GATA2: variants seen among roughly 807,000 people sequenced by gnomAD.
The protein encoded by GATA2 is GATA binding protein 2.
Under a neutral mutation model 35.7 loss-of-function variants are expected in GATA2, and 6 were observed. The ratio of observed to expected loss-of-function variants is 0.17; its 90% CI spans 0.09 to 0.33. The LOEUF (loss-of-function observed/expected upper bound fraction) is 0.33. Among genes scored for constraint, GATA2 ranks in the 10% least tolerant of loss-of-function variants. The pLI is 1.00. For synonymous variants in GATA2, 313 were observed against 274.9 expected (o/e 1.14, Z -1.37); for missense variants, 541 against 656.6 (o/e 0.82, Z 1.92).
rs750384699 is a variant in GATA2, at chr3:128,486,142, G to T, written c.456C>A (p.Ser152Arg). The change falls in exon 3 of 6, where the codon AGC (serine) becomes AGA (arginine). Residue 152 changes from serine to arginine, a missense_variant. Ser to Arg is a moderately radical substitution (Grantham distance 110, BLOSUM62 -1). Around this residue, in one of 5 missense-constraint regions of GATA2, gnomAD observed 389 missense variants for 396.9 expected, o/e 0.98. Coordinates refer to ENST00000341105, the MANE Select transcript of GATA2 (RefSeq NM_032638.5). Reference protein sequence around the residue: ...PGAGGGSGGGSGSSVASLTPT... With the variant: ...PGAGGGSGGGRGSSVASLTPT... ...GGGTGAGGGAGGCCACTGAGCTCCC[G>T]CTGCCTCCCCCGCTCCCACCCCCAG... The T allele has an allele frequency of 6.9e-6, 11 of 1,596,448 alleles. No individual in the cohort carries two copies. The highest frequency in any genetic ancestry group is 6.8e-5 in the South Asian group (6 of 88,666).
chr3:128,484,333 G>GGGTA (rs1402603008), intron 3 of GATA2, among the ~76,000 whole-genome samples: 1 of 152,206 alleles, frequency 6.6e-6, no homozygotes. Context: ...ACTTTGCCGA[G>GGGTA]GGTAGGGTGG....
At chr3:128,491,687 T>C (rs1261381443) in intron 1 of GATA2, among the ~76,000 whole-genome samples, 1 of 152,150 alleles carries the variant, frequency 6.6e-6, no homozygotes, top group Non-Finnish European at 1.5e-5. Context: ...CTGTTCTGTG[T>C]CTTTGGGAAT....
chr3:128,481,937 G>C lies in GATA2; in HGVS notation c.1025C>G (p.Ala342Gly). The C allele has an allele frequency of 6.2e-7, 1 of 1,613,452 alleles. No homozygotes were observed. Among genetic ancestry groups the C allele is most frequent in the South Asian group, 1.1e-5 (1 of 91,086 alleles). The change falls in exon 5 of 6, where the codon GCC becomes GGC. Residue 342 changes from alanine to glycine, a missense_variant. Transcript: ENST00000341105. Reference protein sequence around the residue: ...LIKPKRRLSAARRAGTCCANC... With the variant: ...LIKPKRRLSAGRRAGTCCANC... ...TGCACAACAGGTGCCGGCTCTTCTG[G>C]CGGCCGACTGGGAGGGCAAGGCAGC...
At chr3:128,492,526 G>C (rs2068789949) in intron 1 of GATA2, among the ~76,000 whole-genome samples, 1 of 152,306 alleles carries the variant, frequency 6.6e-6, no homozygotes, top group South Asian at 2.1e-4. Flanking sequence ...TGCAGCCGCC[G>C]CTCGGCGGCC....
intron 1 of GATA2, among the ~76,000 whole-genome samples, chr3:128,487,401 G>A (rs999743510): frequency 5.3e-5 from 8 of 151,906 alleles, no homozygotes; most frequent in Admixed American, 4.6e-4. Flanking sequence ...GAGCCCCCCC[G>A]CCCGGTAGAC....
intron 1 of GATA2, among the ~76,000 whole-genome samples, chr3:128,492,405 C>T (rs1000039299): frequency 2.0e-5 from 3 of 152,206 alleles, no homozygotes; most frequent in Admixed American, 2.0e-4. Context: ...CTCCCCCACA[C>T]GCACCCCAGT....
intron 1 of GATA2, chr3:128,489,098 G>C: frequency 6.6e-6 from 1 of 152,230 alleles, no homozygotes; most frequent in East Asian, 1.9e-4. Context: ...GAGTGGGGGA[G>C]GGGCGGCGGG....
Position 128,481,187 on chromosome 3 carries a change from T to G in GATA2, c.1275A>C (p.Ser425=). ...EELSKCMQEK[S]SPFSAAALAG... ...CCAGGGCAGCTGCACTGAAGGGGGA[T>G]GACTTCTCCTGCATGCACTTTGACA... is the stretch of plus-strand genomic sequence containing the variant. The change falls in exon 6 of 6, where the codon TCA becomes TCC. Residue 425 remains serine, a synonymous_variant. Coordinates refer to ENST00000341105, the MANE Select transcript of GATA2 (RefSeq NM_032638.5). 1 of 1,614,188 alleles carries G rather than the reference T, an allele frequency of 6.2e-7. No individual in the cohort carries two copies. Among genetic ancestry groups the G allele is most frequent in the Non-Finnish European group, 8.5e-7 (1 of 1,180,022 alleles).
At chr3:128,482,039 A>C in intron 4 of GATA2, 95 bp from the exon 5 acceptor site, 3 of 1,499,696 alleles carry the variant, frequency 2.0e-6, no homozygotes, top group African/African-American at 1.4e-5. Context: ...CCACCAGCTC[A>C]GTCAAGGAGG....
rs537531160 is a variant in GATA2 at position 128,490,972 on chromosome 3, G to A, written c.-46+1927C>T. Among the ~76,000 whole-genome samples the A allele has an allele frequency of 1.6e-4, 24 of 152,302 alleles. No homozygotes were observed. The East Asian group carries it at 4.1e-3, about 26-fold the overall frequency. On this transcript the variant is annotated intron_variant, in intron 1 of 5. Coordinates refer to ENST00000341105, the MANE Select transcript of GATA2 (RefSeq NM_032638.5). ...TAAGAAGCTGTCACTTTCCTTACTT[G>A]GGAACAAGATTTCTCTGAGGACTGG...
At chr3:128,485,638 A>AG in intron 3 of GATA2, 89 bp downstream of exon 3, 1 of 1,495,048 alleles carries the variant, frequency 6.7e-7, no homozygotes, top group Non-Finnish European at 9.1e-7. Context: ...CTGGGAAACC[A>AG]ACACTGCCAC....
chr3:128,479,694 C>T lies in GATA2; in HGVS notation c.*1325G>A, dbSNP rs1451790577. The T allele has an allele frequency of 4.3e-6, 1 of 233,630 alleles. No individual in the cohort carries two copies. The highest frequency in any genetic ancestry group is 6.0e-5 in the East Asian group (1 of 16,604). 14.5% of individuals were successfully genotyped at this position (233,630 alleles called of 1,614,324 possible). ...CCGCCCATATTGCACTTGGTCACTA[C>T]ATCAGCACAATCCTCCTCCTGGGCC... On this transcript the variant is annotated 3_prime_UTR_variant, in exon 6 of 6. Coordinates refer to ENST00000341105, the MANE Select transcript of GATA2 (RefSeq NM_032638.5).
At chr3:128,491,868 C>T (rs1357690265) in intron 1 of GATA2, 1 of 152,298 alleles carries the variant, frequency 6.6e-6, no homozygotes, top group Admixed American at 6.5e-5. Context: ...CACGAACAGC[C>T]ACGGTTTATT....
rs2107668761 is a variant in GATA2, at chr3:128,481,922, G to A, written c.1040C>T (p.Thr347Ile). The part of the protein sequence containing the change: ...RRLSAARRAG[T>I]CCANCQTTTT... ...TGTCGTCTGACAATTTGCACAACAG[G>A]TGCCGGCTCTTCTGGCGGCCGACTG... The change falls in exon 5 of 6, where the codon ACC (threonine) becomes ATC (isoleucine). Residue 347 changes from threonine (T) to isoleucine (I), a missense_variant. Physicochemically the swap from Thr to Ile is moderately conservative, Grantham distance 89. Transcript: ENST00000341105. 1.9e-6 allele frequency: 3 copies of A among 1,613,902 alleles called. No homozygotes were observed. Among genetic ancestry groups the A allele is most frequent in the Middle Eastern group, 1.7e-4 (1 of 6,060 alleles).
At position 128,481,872 on chromosome 3, in the gene GATA2, C is replaced by G; in HGVS notation, c.1090G>C (p.Ala364Pro). ...TTTTTLWRRNANGDPVCNACG... is the reference protein window; with the variant it reads ...TTTTTLWRRNPNGDPVCNACG... ...GCGTTGCAGACAGGGTCCCCGTTGG[C>G]GTTTCGGCGCCATAAGGTGGTGGTT... The change falls in exon 5 of 6, where the codon GCC becomes CCC. Residue 364 changes from alanine (A) to proline (P), a missense_variant. This residue lies in a region of GATA2 where 23 missense variants were observed against 67.2 expected (regional missense o/e 0.34). Coordinates refer to ENST00000341105, the MANE Select transcript of GATA2 (RefSeq NM_032638.5). 6.2e-7 allele frequency: 1 copy of G among 1,614,074 alleles called. No individual in the cohort carries two copies.
At chr3:128,484,492 G>A (rs2068670087) in intron 3 of GATA2, among the ~76,000 whole-genome samples, 1 of 152,216 alleles carries the variant, frequency 6.6e-6, no homozygotes, top group African/African-American at 2.4e-5. Flanking sequence ...AAGTCCAGAA[G>A]CATTTCCCTC....
At chr3:128,485,612 T>C in intron 3 of GATA2, 115 bp downstream of exon 3, 1 of 1,288,364 alleles carries the variant, frequency 7.8e-7, no homozygotes, top group Non-Finnish European at 1.1e-6. Flanking sequence ...GAGCGAGACA[T>C]CACCCATCCC....
At position 128,485,876 on chromosome 3, in the gene GATA2, G is replaced by A. The variant is rs2068688771; in HGVS notation, c.722C>T (p.Ala241Val). 4 of 1,614,106 alleles carry A rather than the reference G, an allele frequency of 2.5e-6. No homozygotes were observed. The highest frequency in any genetic ancestry group is 3.4e-6 in the Non-Finnish European group (4 of 1,179,966). The change falls in exon 3 of 6, where the codon GCT (alanine) becomes GTT (valine). Residue 241 changes from alanine to valine, a missense_variant. Physicochemically the swap from Ala to Val is moderately conservative, Grantham distance 64. Around this residue, in one of 5 missense-constraint regions of GATA2, gnomAD observed 389 missense variants for 396.9 expected, o/e 0.98. Transcript: ENST00000341105. Reference sequence around the variant, plus strand: ...GTAGGTGGGGATGGGGTGGTGTGTAGCAGGCTGGGTGCCCATAGTAGCTAG... The same window carrying A: ...GTAGGTGGGGATGGGGTGGTGTGTAACAGGCTGGGTGCCCATAGTAGCTAG... ...PGLATMGTQP[A>V]THHPIPTYPS...
At position 128,481,102 on chromosome 3, in the gene GATA2, G is replaced by A. The variant is rs774297463; in HGVS notation, c.1360C>T (p.Pro454Ser). Residue 454 changes from proline (P) to serine (S), a missense_variant, in exon 6 of 6, where the codon CCC becomes TCC. Pro to Ser is a moderately conservative substitution (Grantham distance 74, BLOSUM62 -1). Around this residue, in one of 5 missense-constraint regions of GATA2, gnomAD observed 95 missense variants for 114.0 expected, o/e 0.83. Transcript: ENST00000341105. Reference sequence around the variant, plus strand: ...GAGGGGTGGATGGGCGTCGGAGTGGGCAGGATGTGTCCGGAGTGGCTGAAG... The same window carrying A: ...GAGGGGTGGATGGGCGTCGGAGTGGACAGGATGTGTCCGGAGTGGCTGAAG... Reference protein sequence around the residue: ...PPFSHSGHILPTPTPIHPSSS... With the variant: ...PPFSHSGHILSTPTPIHPSSS... The A allele has an allele frequency of 2.5e-6, 4 of 1,613,770 alleles. No homozygotes were observed. Among genetic ancestry groups the A allele is most frequent in the African/African-American group, 1.3e-5 (1 of 75,058 alleles).
Sources: gnomAD v4.1 joint callset for allele counts (sites outside exome capture counted in the v4.1 genomes callset) on GRCh38, gnomAD v4.1.1 for gene constraint, gnomAD v4.1.1 regional missense constraint, MANE v1.5 for transcripts, NCBI Gene and HGNC (gene_info 2026-07-23, HGNC 2026-07-21) for gene names.